ADGRL2: variants seen among roughly 807,000 people sequenced by gnomAD.
ADGRL2 encodes the protein calcium-independent alpha-latrotoxin receptor 2.
In ADGRL2, 44 loss-of-function variants were observed where a neutral mutation model predicts 157.4. That is an observed-to-expected ratio of 0.28 (90% confidence interval 0.22 to 0.36). The LOEUF (loss-of-function observed/expected upper bound fraction) is 0.36, where lower values mean the gene tolerates loss of function less well. ADGRL2 is among the 10% of genes least tolerant of loss of function. ADGRL2 has a pLI of 1.00. For missense variants in ADGRL2, 1,510 were observed against 1,768.9 expected (o/e 0.85, Z 2.63); for synonymous variants, 585 against 624.7 (o/e 0.94, Z 0.95).
chr1:81,796,505 T>C (rs551826193), upstream of ADGRL2, among the ~76,000 whole-genome samples: 1 of 152,280 alleles, frequency 6.6e-6, no homozygotes, highest in South Asian at 2.1e-4. Flanking sequence ...ATAGGAACAA[T>C]CTATGGGAAA....
At chr1:81,779,559 A>G (rs1375091964) in intron 2 of ADGRL2, among the ~76,000 whole-genome samples, 1 of 152,120 alleles carries the variant, frequency 6.6e-6, no homozygotes, top group Non-Finnish European at 1.5e-5. Flanking sequence ...AAATTTTTAT[A>G]GGTCTATTCT....
intron 1 of ADGRL2, among the ~76,000 whole-genome samples, chr1:81,724,640 C>A (rs533366890): frequency 8.5e-5 from 13 of 152,244 alleles, no homozygotes; most frequent in African/African-American, 3.1e-4. Context: ...CCTGACATTG[C>A]TATGTTTCTA....
intron 3 of ADGRL2, among the ~76,000 whole-genome samples, chr1:81,919,277 G>A (rs6690951): frequency 0.35 from 52,571 of 151,718 alleles, 9,397 homozygotes; most frequent in Middle Eastern, 0.43. Flanking sequence ...ACCCATTTTC[G>A]CAGTTTATGT....
At chr1:81,468,699 A>G (rs1205959295) in intron 2 of ADGRL2, among the ~76,000 whole-genome samples, 1 of 152,230 alleles carries the variant, frequency 6.6e-6, no homozygotes, top group Non-Finnish European at 1.5e-5. Context: ...TCAGATTTTT[A>G]TGCATATCCT....
At position 81,979,949 on chromosome 1, in the gene ADGRL2, G is replaced by A. The variant is rs1037977953; in HGVS notation, c.3102G>A (p.Leu1034=). 14 of 1,591,184 alleles carry A rather than the reference G, an allele frequency of 8.8e-6. No homozygotes were observed. The highest frequency in any genetic ancestry group is 1.2e-5 in the Non-Finnish European group (14 of 1,160,750). Residue 1034 remains leucine, a synonymous_variant, in exon 18 of 24, where the codon TTG becomes TTA. Coordinates refer to ENST00000686636, the MANE Select transcript of ADGRL2 (RefSeq NM_001366006.2). ...CTTTGAAACCAGATTCTAGCAGGTT[G>A]GAAAACATTAAGTAAGTATTTTGTA... ...SNTLKPDSSR[L]ENIKSWVLGA...
At position 81,836,925 on chromosome 1, in the gene ADGRL2, C is replaced by A; in HGVS notation, c.-60C>A. 1.0e-6 allele frequency: 1 copy of A among 960,294 alleles called. No individual in the cohort carries two copies. Among genetic ancestry groups the A allele is most frequent in the Non-Finnish European group, 1.6e-6 (1 of 624,238 alleles). The allele number at this position is 960,294 out of a possible 1,614,324, so 59.5% of individuals were successfully genotyped here. On this transcript the variant is annotated 5_prime_UTR_variant, in exon 2 of 24. In the 5' UTR this introduces an upstream ATG that the reference lacks. Coordinates refer to ENST00000686636, the MANE Select transcript of ADGRL2 (RefSeq NM_001366006.2). ...ATGCAGACTGATGGTTTTGATGAAG[C>A]TGGGCATTTATAACTAGATTCATTA...
rs140541741 is a variant in ADGRL2 at position 81,573,151 on chromosome 1, T to C, written c.-247-7725T>C. Among the ~76,000 whole-genome samples the C allele has an allele frequency of 1.6e-4, 25 of 152,130 alleles. No individual in the cohort carries two copies. The East Asian group carries it at 4.8e-3, about 29-fold the overall frequency. Reference sequence around the variant, plus strand: ...CAGAATTTAGTTGATTTGTTCTTTTTTAAAGAAGCATTTCCCTGGGATCCT... The same window carrying C: ...CAGAATTTAGTTGATTTGTTCTTTTCTAAAGAAGCATTTCCCTGGGATCCT... On this transcript the variant is annotated intron_variant, in intron 2 of 24. Transcript: ENST00000370721.
intron 3 of ADGRL2, among the ~76,000 whole-genome samples, chr1:81,628,515 A>AT (rs908078829): frequency 3.9e-5 from 6 of 152,080 alleles, no homozygotes; most frequent in African/African-American, 1.4e-4. Context: ...ACGTTAACAT[A>AT]TTTTTTTTCT....
intron 1 of ADGRL2, among the ~76,000 whole-genome samples, chr1:81,361,373 G>A (rs530067336): frequency 2.6e-4 from 40 of 151,922 alleles, no homozygotes; most frequent in Non-Finnish European, 5.5e-4. Flanking sequence ...CATTCTTGCT[G>A]AGAAAAGATG....
chr1:81,721,817 C>T (rs1194659679), intron 1 of ADGRL2: 1 of 1,016,732 alleles, frequency 9.8e-7, no homozygotes, highest in African/African-American at 1.6e-5. Context: ...TAAAGTACCA[C>T]CTGCTACTCA....
chr1:81,681,535 T>C (rs1053934587), intron 3 of ADGRL2, among the ~76,000 whole-genome samples: 4 of 152,208 alleles, frequency 2.6e-5, no homozygotes, highest in Non-Finnish European at 5.9e-5. Context: ...GTGCTAATAA[T>C]TGACATTAAA....
At chr1:81,471,497 A>G (rs1229181695) in intron 2 of ADGRL2, among the ~76,000 whole-genome samples, 2 of 152,196 alleles carry the variant, frequency 1.3e-5, no homozygotes, top group African/African-American at 2.4e-5. Context: ...TTAGTATCCT[A>G]TTTAATGATT....
At chr1:81,546,881 C>G (rs910836969) in intron 2 of ADGRL2, among the ~76,000 whole-genome samples, 2 of 152,162 alleles carry the variant, frequency 1.3e-5, no homozygotes. Context: ...TCAGGAGGGA[C>G]TTGTCCATCC....
intron 2 of ADGRL2, among the ~76,000 whole-genome samples, chr1:81,771,637 T>A (rs955627983): frequency 6.6e-6 from 1 of 152,258 alleles, no homozygotes; most frequent in Admixed American, 6.5e-5. Context: ...GTCTAAAGAG[T>A]CCAAGATAAG....
At chr1:81,395,195 TA>T (rs1287173852) in intron 1 of ADGRL2, among the ~76,000 whole-genome samples, 2 of 152,130 alleles carry the variant, frequency 1.3e-5, no homozygotes, top group African/African-American at 2.4e-5. Flanking sequence ...ACAGGTGTGA[TA>T]TTTTTTGTCT....
intron 2 of ADGRL2, among the ~76,000 whole-genome samples, chr1:81,868,521 C>T (rs1430258035): frequency 6.6e-6 from 1 of 152,056 alleles, no homozygotes; most frequent in African/African-American, 2.4e-5. Context: ...CTGGGTTCAG[C>T]CATACTGATC....
chr1:81,958,109 T>C (rs1654156880), intron 11 of ADGRL2, among the ~76,000 whole-genome samples: 1 of 150,548 alleles, frequency 6.6e-6, no homozygotes, highest in Non-Finnish European at 1.5e-5. Context: ...TACAAAAAAT[T>C]AGCCAGGCGT....
At chr1:81,550,064 G>C (rs2080108954) in intron 2 of ADGRL2, among the ~76,000 whole-genome samples, 1 of 152,186 alleles carries the variant, frequency 6.6e-6, no homozygotes, top group Non-Finnish European at 1.5e-5. Flanking sequence ...GAAAATGTTT[G>C]AAACTCCTGC....
chr1:81,707,972 T>C (rs1341215693), intron 1 of ADGRL2, among the ~76,000 whole-genome samples: 2 of 152,192 alleles, frequency 1.3e-5, no homozygotes, highest in African/African-American at 4.8e-5. Flanking sequence ...AAGCATTCAA[T>C]TGCACTTAGC....
Sources: allele counts gnomAD v4.1 joint callset (sites outside exome capture counted in the v4.1 genomes callset), GRCh38; gene constraint gnomAD v4.1.1; transcripts MANE v1.5; gene names NCBI Gene and HGNC (gene_info 2026-07-23, HGNC 2026-07-21).